The following NRXN2 variants were observed in gnomAD, a reference collection of about 807,000 sequenced individuals.
NRXN2 encodes neurexin-2-beta.
NRXN2 carries 29 observed loss-of-function variants against 128.8 expected under a neutral mutation model. The ratio of observed to expected loss-of-function variants is 0.23; its 90% CI spans 0.17 to 0.31. The LOEUF (loss-of-function observed/expected upper bound fraction) is 0.31, where lower values mean the gene tolerates loss of function less well. Among genes scored for constraint, NRXN2 ranks in the 10% least tolerant of loss-of-function variants. The pLI is 1.00. For missense variants in NRXN2, 1,881 were observed against 2,452.6 expected (o/e 0.77, Z 4.92); for synonymous variants, 1,098 against 1,075.2 (o/e 1.02, Z -0.41).
At position 64,667,098 on chromosome 11, in the gene NRXN2, A is replaced by G. The variant is rs778991480; in HGVS notation, c.1798+152T>C. On this transcript the variant is annotated intron_variant, in intron 9 of 22. Transcript: ENST00000265459. This position sits in a 1 kb window ranked among gnomAD's most constrained non-coding sequence, Gnocchi z 5.6. ...CCAATGTCCGATGACAGAAAGGACA[A>G]TTGGGAAGACGTGAGGGGGGTGGAG... 7.1e-5 allele frequency: 58 copies of G among 816,704 alleles called. No homozygotes were observed. The highest frequency in any genetic ancestry group is 1.1e-4 in the Non-Finnish European group (55 of 494,936). The allele number at this position is 816,704 out of a possible 1,614,324, so 50.6% of individuals were successfully genotyped here.
chr11:64,697,613 A>G (rs1053577432), intron 3 of NRXN2, among the ~76,000 whole-genome samples, 162 bp downstream of exon 3: 1 of 152,098 alleles, frequency 6.6e-6, no homozygotes, highest in Non-Finnish European at 1.5e-5. Flanking sequence ...GGGACGCAAG[A>G]GAGTGGGGCA....
At position 64,607,949 on chromosome 11, in the gene NRXN2, C is replaced by G; in HGVS notation, c.4386G>C (p.Thr1462=). 1 of 1,294,100 alleles carries G rather than the reference C, an allele frequency of 7.7e-7. No individual in the cohort carries two copies. Among genetic ancestry groups the G allele is most frequent in the Non-Finnish European group, 1.0e-6 (1 of 993,568 alleles). 80.2% of individuals were successfully genotyped at this position (1,294,100 alleles called of 1,614,324 possible). A position where few individuals can be genotyped will look rare whatever the true frequency, so the allele number is the denominator to read the frequency against. Residue 1462 remains threonine, a synonymous_variant, in exon 23 of 23, where the codon ACG becomes ACC. Coordinates refer to ENST00000265459, the MANE Select transcript of NRXN2 (RefSeq NM_015080.4). ...GGCGGCGCGCGGCGGGCGGGGGCAG[C>G]GTGTCTTGGGTGGCGCCCACTCCCG... ...FLTGVGATQD[T]LPPPAARRPP...
intron 2 of NRXN2, chr11:64,712,555 C>T (rs2057031850): frequency 2.9e-6 from 1 of 348,416 alleles, no homozygotes; most frequent in Non-Finnish European, 6.1e-6. Context: ...CACTGTCCTT[C>T]AGGGGCCCCA....
Position 64,651,525 on chromosome 11 carries a change from C to G in NRXN2, c.2648G>C (p.Ser883Thr). ...VVPSNFIGHLSGLVFNGQPYM... is the reference protein window; with the variant it reads ...VVPSNFIGHLTGLVFNGQPYM... ...GGGCTGGCCATTGAACACGAGCCCA[C>G]TCAGATGCCCGATGAAGTTGGAGGG... is the stretch of plus-strand genomic sequence containing the variant. The change falls in exon 14 of 23, where the codon AGT becomes ACT. Residue 883 changes from serine to threonine, a missense_variant. By Grantham distance (58) the Ser-to-Thr change is moderately conservative. Around this residue, in one of 7 missense-constraint regions of NRXN2, gnomAD observed 390 missense variants for 599.6 expected, o/e 0.65. Coordinates refer to ENST00000265459, the MANE Select transcript of NRXN2 (RefSeq NM_015080.4). This position sits in a 1 kb window ranked among gnomAD's most constrained non-coding sequence, Gnocchi z 5.9. 6.2e-7 allele frequency: 1 copy of G among 1,614,194 alleles called. No individual in the cohort carries two copies. Among genetic ancestry groups the G allele is most frequent in the East Asian group, 2.2e-5 (1 of 44,882 alleles).
intron 2 of NRXN2, among the ~76,000 whole-genome samples, chr11:64,710,671 G>T (rs1462791677): frequency 6.6e-6 from 1 of 152,138 alleles, no homozygotes; most frequent in South Asian, 2.1e-4. Context: ...AGGAACCAGA[G>T]GATCAAATTA....
intron 17 of NRXN2, among the ~76,000 whole-genome samples, chr11:64,639,761 G>A (rs1033475918): frequency 1.4e-4 from 21 of 152,270 alleles, no homozygotes; most frequent in African/African-American, 4.8e-4. Context: ...GAAACACAGT[G>A]AGACCCCAAA....
At chr11:64,678,117 T>A (rs2051621549) in intron 6 of NRXN2, among the ~76,000 whole-genome samples, 2 of 152,088 alleles carry the variant, frequency 1.3e-5, no homozygotes, top group South Asian at 4.2e-4. Flanking sequence ...GTTTTTGTTT[T>A]CTTCTCATCC....
At chr11:64,617,998 C>T (rs576046883) in intron 22 of NRXN2, among the ~76,000 whole-genome samples, 1 of 152,160 alleles carries the variant, frequency 6.6e-6, no homozygotes, top group African/African-American at 2.4e-5. Context: ...TGGCTATCAG[C>T]CCCTCTCTAT....
chr11:64,650,857 G>C (rs908777846), intron 14 of NRXN2, among the ~76,000 whole-genome samples: 16 of 152,154 alleles, frequency 1.1e-4, no homozygotes, highest in African/African-American at 3.9e-4. Context: ...CAAGGAGCCG[G>C]CTCTTGTGAC....
intron 3 of NRXN2, among the ~76,000 whole-genome samples, chr11:64,696,260 GAC>G (rs2054506264): frequency 6.6e-6 from 1 of 151,676 alleles, no homozygotes; most frequent in Admixed American, 6.6e-5. Context: ...CTCTCTCTGT[GAC>G]ACACACGCAG....
rs777059412 is a variant in NRXN2, at chr11:64,685,683, G to T, written c.1115C>A (p.Ala372Asp). The T allele has an allele frequency of 6.2e-7, 1 of 1,614,212 alleles. No individual in the cohort carries two copies. The highest frequency in any genetic ancestry group is 1.6e-4 in the Middle Eastern group (1 of 6,062). Residue 372 changes from alanine to aspartate, a missense_variant, in exon 6 of 23, where the codon GCC becomes GAC. Physicochemically the swap from Ala to Asp is moderately radical, Grantham distance 126. This residue lies in a region of NRXN2 where 997 missense variants were observed against 1,240.8 expected (regional missense o/e 0.80). Coordinates refer to ENST00000265459, the MANE Select transcript of NRXN2 (RefSeq NM_015080.4). ...EPVNGKFNDN[A>D]WHDVRVTRNL... The stretch of plus-strand genomic sequence containing the variant: ...TCGGGTGACCCGGACGTCGTGCCAG[G>T]CGTTGTCGTTGAACTTGCCATTGAC...
rs754199006 is a variant in NRXN2 at position 64,648,343 on chromosome 11, A to T, written c.3284-5T>A. ...CAGTGCAGGTGGTGCTGGGGCCTGG[A>T]AGGGGCAGGAGAAAGGAACACCCCT... On this transcript the variant is annotated splice_region_variant and splice_polypyrimidine_tract_variant and intron_variant, in intron 16 of 22. Transcript: ENST00000265459. This position sits in a 1 kb window ranked among gnomAD's most constrained non-coding sequence, Gnocchi z 4.1. 6.2e-7 allele frequency: 1 copy of T among 1,614,150 alleles called. No homozygotes were observed. Among genetic ancestry groups the T allele is most frequent in the Non-Finnish European group, 8.5e-7 (1 of 1,180,024 alleles).
Position 64,632,154 on chromosome 11 carries a change from G to A in NRXN2, c.3586-1581C>T, listed in dbSNP as rs1461662147. ...GGGTTGGGGTTTGGCAGAGAGAGTT[G>A]GGGGACAAGGTTTGCAGCTGTGGCT... On this transcript the variant is annotated intron_variant, in intron 18 of 22. Transcript: ENST00000265459. This position sits in a 1 kb window ranked among gnomAD's most constrained non-coding sequence, Gnocchi z 4.2. Among the ~76,000 whole-genome samples the A allele has an allele frequency of 6.6e-6, 1 of 152,210 alleles. No individual in the cohort carries two copies. Among genetic ancestry groups the A allele is most frequent in the South Asian group, 2.1e-4 (1 of 4,834 alleles).
At chr11:64,697,176 C>G (rs2054664456) in intron 3 of NRXN2, among the ~76,000 whole-genome samples, 1 of 152,138 alleles carries the variant, frequency 6.6e-6, no homozygotes. Flanking sequence ...TACCTAGCAA[C>G]CTGTGGGGCA....
At position 64,648,630 on chromosome 11, in the gene NRXN2, G is replaced by A; in HGVS notation, c.3283+104C>T. 6.8e-7 allele frequency: 1 copy of A among 1,481,070 alleles called. No individual in the cohort carries two copies. Among genetic ancestry groups the A allele is most frequent in the Non-Finnish European group, 9.4e-7 (1 of 1,062,464 alleles). The allele number at this position is 1,481,070 out of a possible 1,614,324, so 91.7% of individuals were successfully genotyped here. A position where few individuals can be genotyped will look rare whatever the true frequency, so the allele number is the denominator to read the frequency against. ...GCAAGCTCCCATAAGGCCTGAGAAG[G>A]AAGGCCCCTTGGCAGAGCAAAGGCT... is the stretch of plus-strand genomic sequence containing the variant. On this transcript the variant is annotated intron_variant, in intron 16 of 22. Coordinates refer to ENST00000265459, the MANE Select transcript of NRXN2 (RefSeq NM_015080.4). The surrounding 1 kb of genome is among the most constrained non-coding windows in gnomAD (Gnocchi z 4.1).
At chr11:64,640,217 G>A (rs1276759360) in intron 17 of NRXN2, among the ~76,000 whole-genome samples, 2 of 152,122 alleles carry the variant, frequency 1.3e-5, no homozygotes, top group African/African-American at 2.4e-5. Flanking sequence ...TCCATACCCT[G>A]TCCTCCATAC....
At chr11:64,653,464 T>C (rs912713523) in intron 12 of NRXN2, among the ~76,000 whole-genome samples, 2 of 152,138 alleles carry the variant, frequency 1.3e-5, no homozygotes, top group African/African-American at 4.8e-5. Context: ...GTGAACATCC[T>C]GACTGCAGGC....
intron 7 of NRXN2, chr11:64,675,620 G>A (rs2051204361): frequency 2.0e-5 from 3 of 152,342 alleles, no homozygotes; most frequent in Admixed American, 6.5e-5. Context: ...GGGCAGGCAC[G>A]AGGGAATCCC....
rs1489883533 is a variant in NRXN2 at position 64,626,323 on chromosome 11, G to A, written c.3847+140C>T. ...CAGACCCTTGACTCCAAAGGGGAAGGGAGCATTCTGGCTGGCCAATTGTCC... is the reference window on the plus strand; with the variant it reads ...CAGACCCTTGACTCCAAAGGGGAAGAGAGCATTCTGGCTGGCCAATTGTCC... On this transcript the variant is annotated intron_variant, in intron 20 of 22. Transcript: ENST00000265459. The A allele has an allele frequency of 5.9e-6, 4 of 682,304 alleles. No homozygotes were observed. In the East Asian group the frequency reaches 1.1e-4, roughly 19 times the overall value. 42.3% of individuals were successfully genotyped at this position (682,304 alleles called of 1,614,324 possible). A position where few individuals can be genotyped will look rare whatever the true frequency, so the allele number is the denominator to read the frequency against.
Sources: allele counts gnomAD v4.1 joint callset (sites outside exome capture counted in the v4.1 genomes callset), GRCh38; gene constraint gnomAD v4.1.1; regional missense constraint gnomAD v4.1.1; non-coding constraint Gnocchi (gnomAD v3.1); transcripts MANE v1.5; gene names NCBI Gene and HGNC (gene_info 2026-07-23, HGNC 2026-07-21).